The following NRG1 variants were observed in gnomAD, a reference collection of about 807,000 sequenced individuals.
The protein encoded by NRG1 is pro-neuregulin-1, membrane-bound isoform.
Under a neutral mutation model 63.8 loss-of-function variants are expected in NRG1, and 18 were observed. The ratio of observed to expected loss-of-function variants is 0.28; its 90% confidence interval spans 0.19 to 0.42. The LOEUF is 0.42. Ranked by LOEUF, NRG1 falls within the 10% of genes least tolerant of loss-of-function variation. NRG1 has a pLI of 1.00. For missense variants in NRG1, 762 were observed against 814.7 expected, an observed-to-expected ratio of 0.94 and a Z score of 0.79; for synonymous variants, 302 against 301.3, an observed-to-expected ratio of 1.00 and a Z score of -0.02.
intron 1 of NRG1, among the ~76,000 whole-genome samples, chr8:32,457,531 C>T (rs1043304348): frequency 6.6e-6 from 1 of 152,238 alleles, no homozygotes; most frequent in Middle Eastern, 3.4e-3. Flanking sequence ...AAATAGAAAT[C>T]CCTATGTATT....
At chr8:31,861,551 G>T (rs1828472874) in intron 1 of NRG1, among the ~76,000 whole-genome samples, 1 of 152,158 alleles carries the variant, frequency 6.6e-6, no homozygotes, top group Non-Finnish European at 1.5e-5. Flanking sequence ...AGGAAAATTT[G>T]TTTCTCACAT....
intron 1 of NRG1, among the ~76,000 whole-genome samples, chr8:32,419,468 G>T (rs1816395269): frequency 6.6e-6 from 1 of 152,064 alleles, no homozygotes; most frequent in South Asian, 2.1e-4. Flanking sequence ...CATCACAAGT[G>T]GCTGGCCTAT....
At chr8:32,170,493 T>A (rs1700557906) in intron 1 of NRG1, among the ~76,000 whole-genome samples, 1 of 151,896 alleles carries the variant, frequency 6.6e-6, no homozygotes, top group Non-Finnish European at 1.5e-5. Flanking sequence ...AGATGAAGAG[T>A]CATTAGGCTG....
At chr8:31,905,486 T>A (rs1381179629) in intron 1 of NRG1, among the ~76,000 whole-genome samples, 1 of 152,156 alleles carries the variant, frequency 6.6e-6, no homozygotes, top group Non-Finnish European at 1.5e-5. Flanking sequence ...CATTTTAAGA[T>A]TTGGAGGGTA....
intron 1 of NRG1, among the ~76,000 whole-genome samples, chr8:31,944,124 T>G (rs1452375388): frequency 3.3e-5 from 5 of 152,192 alleles, no homozygotes; most frequent in Admixed American, 6.5e-5. Context: ...CTTTTTCTTT[T>G]ATATGTGCTA....
chr8:32,627,525 G>C (rs1165409144), intron 5 of NRG1, among the ~76,000 whole-genome samples: 1 of 152,114 alleles, frequency 6.6e-6, no homozygotes. Flanking sequence ...GCCCAGACAG[G>C]TTTCAAACTT....
At chr8:31,893,262 C>T (rs564195744) in intron 1 of NRG1, among the ~76,000 whole-genome samples, 3 of 151,122 alleles carry the variant, frequency 2.0e-5, no homozygotes, top group South Asian at 4.2e-4. Flanking sequence ...AAACAATAAA[C>T]TTAGACCATT....
intron 1 of NRG1, among the ~76,000 whole-genome samples, chr8:31,932,313 A>G (rs1384915898): frequency 1.3e-5 from 2 of 152,174 alleles, no homozygotes; most frequent in East Asian, 3.9e-4. Context: ...GTATAGGAAT[A>G]CTTGGATGTA....
rs147158180 is a variant in NRG1, at chr8:32,724,330, G to A, written c.503-3619G>A. 7.9e-5 allele frequency among the ~76,000 whole-genome samples: 12 copies of A among 152,144 alleles called. No individual in the cohort carries two copies. In the East Asian group the frequency reaches 1.5e-3, roughly 20 times the overall value. ...CCTCCTTCCTGGAACAACTATTGGG[G>A]GGTATCATCTTTTATATATTGAAAC... On this transcript the variant is annotated intron_variant, in intron 5 of 11. Transcript: ENST00000356819.
At chr8:32,767,602 A>T (rs1831525323) in exon 12 of NRG1, 1 of 152,188 alleles carries the variant, frequency 6.6e-6, no homozygotes, top group African/African-American at 2.4e-5. Context: ...TCAACTTACT[A>T]TGTAACATTG....
chr8:32,302,791 A>G (rs1410694781), intron 1 of NRG1, among the ~76,000 whole-genome samples: 3 of 142,006 alleles, frequency 2.1e-5, no homozygotes, highest in Non-Finnish European at 4.6e-5. Context: ...CTATTTTATA[A>G]TGCATCCTTC....
intron 5 of NRG1, among the ~76,000 whole-genome samples, chr8:32,667,544 A>C (rs1445727550): frequency 6.6e-6 from 1 of 152,190 alleles, no homozygotes; most frequent in Non-Finnish European, 1.5e-5. Context: ...ATGGAAACAT[A>C]CTGATAAACA....
Position 32,742,639 on chromosome 8 carries a change from G to GT in NRG1, c.633-31dup. 1 of 1,592,856 alleles carries GT rather than the reference G, an allele frequency of 6.3e-7. No homozygotes were observed. The highest frequency in any genetic ancestry group is 8.6e-7 in the Non-Finnish European group (1 of 1,161,564). On this transcript the variant is annotated intron_variant, in intron 6 of 11. Coordinates refer to ENST00000356819, the Ensembl canonical transcript of NRG1. This position sits in a 1 kb window ranked among gnomAD's most constrained non-coding sequence, Gnocchi z 4.2. ...ATATTCACCTCTTCTCTTTTTCTCTGTTTTTCTACCATTGTTTTTTTGTTT... is the reference window on the plus strand; with the variant it reads ...ATATTCACCTCTTCTCTTTTTCTCTGTTTTTTCTACCATTGTTTTTTTGTTT...
chr8:32,590,929 A>C lies in NRG1; in HGVS notation c.101-4899A>C, dbSNP rs1054480208. On this transcript the variant is annotated intron_variant, in intron 1 of 11. Transcript: ENST00000356819. ...CCTGGAAGACAAAAAGTTTGAAAAA[A>C]TATCCATAAAGACAAAAAAAGGTTT... Among the ~76,000 whole-genome samples, 94 of 152,300 alleles carry C rather than the reference A, an allele frequency of 6.2e-4. 1 individual carries two copies. The highest frequency in any genetic ancestry group is 2.2e-3 in the African/African-American group (91 of 41,572).
At chr8:32,765,507 G>A (rs1246133947) in exon 12 of NRG1, 1 of 152,152 alleles carries the variant, frequency 6.6e-6, no homozygotes, top group Non-Finnish European at 1.5e-5. Flanking sequence ...TGTATAGGTG[G>A]AGAGAAGCTT....
At chr8:31,994,594 T>C (rs1299831011) in intron 1 of NRG1, among the ~76,000 whole-genome samples, 1 of 130,036 alleles carries the variant, frequency 7.7e-6, no homozygotes, top group Non-Finnish European at 1.5e-5. Context: ...GTCAAGGCTG[T>C]AGTGAACTAT....
At chr8:31,788,993 A>G (rs1460415505) in intron 1 of NRG1, among the ~76,000 whole-genome samples, 1 of 152,182 alleles carries the variant, frequency 6.6e-6, no homozygotes, top group Non-Finnish European at 1.5e-5. Flanking sequence ...ATTATAACCA[A>G]CTGATAATGA....
chr8:32,647,575 A>G, intron 5 of NRG1: 1 of 1,370,924 alleles, frequency 7.3e-7, no homozygotes, highest in South Asian at 2.0e-5. Flanking sequence ...CATCTTTCTG[A>G]ACTCTTCTTG....
chr8:32,707,509 T>A (rs940572139), intron 5 of NRG1, among the ~76,000 whole-genome samples: 4 of 152,120 alleles, frequency 2.6e-5, no homozygotes, highest in African/African-American at 7.2e-5. Flanking sequence ...CTGTTACCTT[T>A]AACTATTCAG....
Sources: gnomAD v4.1 joint callset for allele counts (sites outside exome capture counted in the v4.1 genomes callset) on GRCh38, gnomAD v4.1.1 for gene constraint, Gnocchi (gnomAD v3.1) non-coding constraint, MANE v1.5 for transcripts, NCBI Gene and HGNC (gene_info 2026-07-23, HGNC 2026-07-21) for gene names.